Variants in DCST2 observed in about 807,000 individuals in gnomAD.
DCST2 encodes DC-STAMP domain-containing protein 2.
Under a neutral mutation model 81.8 loss-of-function variants are expected in DCST2, and 64 were observed. That is an observed-to-expected ratio of 0.78 (90% CI 0.64 to 0.96). DCST2 has a LOEUF of 0.96. DCST2 is among the 40% of genes least tolerant of loss of function. DCST2 has a pLI of 0.00. For missense variants in DCST2, 945 were observed against 1,001.4 expected (o/e 0.94, Z 0.76); for synonymous variants, 354 against 402.6 (o/e 0.88, Z 1.44).
At chr1:155,027,554 C>CTT (rs779621299) in intron 8 of DCST2, among the ~76,000 whole-genome samples, 1,275 of 63,752 alleles carry the variant, frequency 0.02, no homozygotes, top group Middle Eastern at 0.031. Context: ...TTTTTTACTT[C>CTT]TTTTTTTTTT....
rs999245720 is a variant in DCST2, at chr1:155,026,839, G to C, written c.1343-124C>G. 6 of 1,145,086 alleles carry C rather than the reference G, an allele frequency of 5.2e-6. No homozygotes were observed. The African/African-American group carries it at 9.2e-5, about 18-fold the overall frequency. 70.9% of individuals were successfully genotyped at this position (1,145,086 alleles called of 1,614,324 possible). A position where few individuals can be genotyped will look rare whatever the true frequency, so the allele number is the denominator to read the frequency against. On this transcript the variant is annotated intron_variant, in intron 8 of 14. Transcript: ENST00000368424. ...GGATGACTCAGACCCTTGGCTGGGG[G>C]CCTCTGATGCCTCAGGCACCCTCAT...
intron 13 of DCST2, 46 bp downstream of exon 13, chr1:155,023,318 A>G (rs371065772): frequency 6.8e-6 from 11 of 1,611,966 alleles, no homozygotes; most frequent in Non-Finnish European, 9.3e-6. Flanking sequence ...GCCTACTTCC[A>G]CTGCCCCTAC....
At position 155,026,692 on chromosome 1, in the gene DCST2, C is replaced by T. The variant is rs746134111; in HGVS notation, c.1366G>A (p.Val456Met). The T allele has an allele frequency of 6.2e-6, 10 of 1,614,090 alleles. No individual in the cohort carries two copies. The highest frequency in any genetic ancestry group is 5.3e-5 in the African/African-American group (4 of 74,938). Residue 456 changes from valine to methionine, a missense_variant, in exon 9 of 15, where the codon GTG (valine) becomes ATG (methionine). Val to Met is a conservative substitution (Grantham distance 21). Coordinates refer to ENST00000368424, the MANE Select transcript of DCST2 (RefSeq NM_144622.3). The stretch of plus-strand genomic sequence containing the variant: ...TTCCCAGCGTAGCCAGTACCTTCCA[C>T]GGTTAGAGACACCAACACAGGACCT... ...ARSPVLVSLTVEGTGYAGNIY... is the reference protein window; with the variant it reads ...ARSPVLVSLTMEGTGYAGNIY...
At chr1:155,032,140 C>T (rs960856648) in intron 3 of DCST2, among the ~76,000 whole-genome samples, 2 of 151,540 alleles carry the variant, frequency 1.3e-5, no homozygotes, top group African/African-American at 4.9e-5. Context: ...ACTACAGCTG[C>T]GTGCCACCAC....
chr1:155,030,975 G>A, intron 5 of DCST2, 194 bp downstream of exon 5: 1 of 651,694 alleles, frequency 1.5e-6, no homozygotes. Flanking sequence ...CTGTGGTGAG[G>A]CACTGGCCCT....
chr1:155,030,108 C>T lies in DCST2; in HGVS notation c.1153G>A (p.Glu385Lys), dbSNP rs749360215. Residue 385 changes from glutamate (E) to lysine (K), a missense_variant, in exon 7 of 15, where the codon GAG becomes AAG. Glu to Lys is a moderately conservative substitution (Grantham distance 56, BLOSUM62 1). Transcript: ENST00000368424. ...LPTVLPLSAH[E>K]ARRYIPPGSI... ...CCCGGTGGGATGTAGCGCCTGGCCT[C>T]GTGAGCACTGAGCGGTAGCACTGTG... The T allele has an allele frequency of 1.3e-5, 21 of 1,613,860 alleles. No individual in the cohort carries two copies. The highest frequency in any genetic ancestry group is 1.7e-4 in the Middle Eastern group (1 of 5,860).
At chr1:155,026,255 C>T in intron 10 of DCST2, 47 bp downstream of exon 10, 2 of 1,599,474 alleles carry the variant, frequency 1.3e-6, no homozygotes, top group South Asian at 1.1e-5. Flanking sequence ...CTAGCTAAGC[C>T]CCCTGGGGAG....
intron 9 of DCST2, 34 bp from the exon 10 acceptor site, chr1:155,026,436 G>T (rs1659912379): frequency 1.2e-6 from 2 of 1,613,264 alleles, no homozygotes; most frequent in Non-Finnish European, 1.7e-6. Flanking sequence ...AGCCTCACCA[G>T]CAGGCACAAG....
At chr1:155,032,193 C>T (rs1660112073) in intron 3 of DCST2, among the ~76,000 whole-genome samples, 1 of 152,022 alleles carries the variant, frequency 6.6e-6, no homozygotes, top group African/African-American at 2.4e-5. Context: ...CGGGGTTTCA[C>T]GATGTCAGCC....
At chr1:155,023,746 T>G in intron 12 of DCST2, 86 bp downstream of exon 12, 1 of 1,597,656 alleles carries the variant, frequency 6.3e-7, no homozygotes, top group Middle Eastern at 1.7e-4. Flanking sequence ...ACAAGAGAAG[T>G]CCATCAAGGA....
Position 155,030,419 on chromosome 1 carries a change from G to T in DCST2, c.1019+13C>A. ...CGGCCCTGCATCCCCCACGCTGCCCGGCAGCCCCTCACTGGAGGTAGAGAA... is the reference window on the plus strand; with the variant it reads ...CGGCCCTGCATCCCCCACGCTGCCCTGCAGCCCCTCACTGGAGGTAGAGAA... On this transcript the variant is annotated intron_variant, in intron 6 of 14. Coordinates refer to ENST00000368424, the MANE Select transcript of DCST2 (RefSeq NM_144622.3). 6.2e-7 allele frequency: 1 copy of T among 1,611,652 alleles called. No individual in the cohort carries two copies. The highest frequency in any genetic ancestry group is 1.1e-5 in the South Asian group (1 of 90,946).
At chr1:155,020,275 A>AT (rs989264528) in intron 14 of DCST2, among the ~76,000 whole-genome samples, 4 of 151,998 alleles carry the variant, frequency 2.6e-5, no homozygotes, top group African/African-American at 7.3e-5. Flanking sequence ...TCAAGCTTAC[A>AT]TTTTTTTCAA....
At chr1:155,033,311 G>A (rs1660159431) in intron 1 of DCST2, 47 bp from the exon 2 acceptor site, 2 of 1,592,316 alleles carry the variant, frequency 1.3e-6, no homozygotes, top group Non-Finnish European at 8.5e-7. Context: ...CCCCAAACAT[G>A]GCAGCAAGTC....
intron 14 of DCST2, among the ~76,000 whole-genome samples, chr1:155,021,890 C>A (rs1400059668): frequency 6.7e-6 from 1 of 148,490 alleles, no homozygotes; most frequent in Non-Finnish European, 1.5e-5. Flanking sequence ...GAGACTGAGT[C>A]TCACTCTATC....
At position 155,033,097 on chromosome 1, in the gene DCST2, C is replaced by A; in HGVS notation, c.436G>T (p.Val146Phe). 6.4e-7 allele frequency: 1 copy of A among 1,569,770 alleles called. No homozygotes were observed. The highest frequency in any genetic ancestry group is 8.6e-7 in the Non-Finnish European group (1 of 1,158,470). ...GTGGTAGAGGTGGGGGACTTACTGA[C>A]AAGAGGTTGCTTGGCCCTCTGTAGC... ...EVLQRAKQPL[V>F]SALNKIKAIA... is the part of the protein sequence containing the mutation. Residue 146 changes from valine (V) to phenylalanine (F), a missense_variant, in exon 2 of 15, where the codon GTC (valine) becomes TTC (phenylalanine). Val to Phe is a conservative substitution (Grantham distance 50, BLOSUM62 -1). Transcript: ENST00000368424.
rs117550971 is a variant in DCST2 at position 155,026,673 on chromosome 1, G to A, written c.1385C>T (p.Ala462Val). The A allele has an allele frequency of 5.0e-6, 8 of 1,614,210 alleles. No individual in the cohort carries two copies. The East Asian group carries it at 1.3e-4, about 27-fold the overall frequency. ...CACCAGGTCACGATAAATATTCCCA[G>A]CGTAGCCAGTACCTTCCACGGTTAG... The part of the protein sequence containing the change: ...VSLTVEGTGY[A>V]GNIYRDLVSA... Residue 462 changes from alanine to valine, a missense_variant, in exon 9 of 15, where the codon GCT (alanine) becomes GTT (valine). Coordinates refer to ENST00000368424, the MANE Select transcript of DCST2 (RefSeq NM_144622.3).
In DCST2 at chr1:155,024,622, G is replaced by A. The variant is rs746337854; in HGVS notation, c.1612-20C>T. 1 of 1,582,408 alleles carries A rather than the reference G, an allele frequency of 6.3e-7. No individual in the cohort carries two copies. The highest frequency in any genetic ancestry group is 8.6e-7 in the Non-Finnish European group (1 of 1,164,568). On this transcript the variant is annotated intron_variant, in intron 10 of 14. Transcript: ENST00000368424. ...CCTCTCCTGGTGCGGGGAGATCAGG[G>A]ATGGGGTCCCACTTGACCCTGTTTT...
At position 155,030,515 on chromosome 1, in the gene DCST2, G is replaced by C; in HGVS notation, c.936C>G (p.Val312=). 6.2e-7 allele frequency: 1 copy of C among 1,614,142 alleles called. No homozygotes were observed. Among genetic ancestry groups the C allele is most frequent in the South Asian group, 1.1e-5 (1 of 91,084 alleles). ...CTCGGACACGGTGCAGCTTCATGCT[G>C]ACAGCCTCGTGGAGGTCCATGGCTA... ...SQVAMDLHEA[V]SMKLHRVREA... Residue 312 remains valine, a synonymous_variant, in exon 6 of 15, where the codon GTC becomes GTG. Transcript: ENST00000368424.
chr1:155,030,716 G>A, intron 5 of DCST2, 71 bp from the exon 6 acceptor site: 2 of 1,555,060 alleles, frequency 1.3e-6, no homozygotes, highest in Middle Eastern at 1.7e-4. Flanking sequence ...CCCTGGGGAG[G>A]GGCCTGGCAC....
Sources: gnomAD v4.1 joint callset for allele counts (sites outside exome capture counted in the v4.1 genomes callset) on GRCh38, gnomAD v4.1.1 for gene constraint, MANE v1.5 for transcripts, NCBI Gene and HGNC (gene_info 2026-07-23, HGNC 2026-07-21) for gene names.